CDC42BPA: variants seen among roughly 807,000 people sequenced by gnomAD.
CDC42BPA encodes the protein CDC42 binding protein kinase alpha, also known as serine/threonine-protein kinase MRCK alpha.
CDC42BPA carries 80 observed loss-of-function variants against 223.5 expected under a neutral mutation model. That is an observed-to-expected ratio of 0.36 (90% CI 0.30 to 0.43). The LOEUF (loss-of-function observed/expected upper bound fraction) is 0.43, where lower values mean the gene tolerates loss of function less well. CDC42BPA is among the 20% of genes least tolerant of loss of function. The pLI, the probability that CDC42BPA is intolerant of heterozygous loss-of-function variation, is 1.00. For missense variants in CDC42BPA, 1,743 were observed against 2,099.9 expected, an observed-to-expected ratio of 0.83 and a Z score of 3.32; for synonymous variants, 694 against 718.6, an observed-to-expected ratio of 0.97 and a Z score of 0.55.
chr1:227,002,778 CA>C (rs1270650642), intron 35 of CDC42BPA, among the ~76,000 whole-genome samples: 1 of 152,166 alleles, frequency 6.6e-6, no homozygotes, highest in Non-Finnish European at 1.5e-5. Context: ...GACGTGTCCA[CA>C]ACCACATGGG....
intron 1 of CDC42BPA, among the ~76,000 whole-genome samples, chr1:227,313,095 A>G (rs1693807519): frequency 2.0e-5 from 3 of 152,198 alleles, no homozygotes; most frequent in African/African-American, 7.2e-5. Flanking sequence ...CATAAAATAA[A>G]AAGAGTAATG....
At chr1:227,108,564 G>A (rs1686332793) in intron 14 of CDC42BPA, among the ~76,000 whole-genome samples, 1 of 152,126 alleles carries the variant, frequency 6.6e-6, no homozygotes, top group Non-Finnish European at 1.5e-5. Flanking sequence ...TTAAAAGAAT[G>A]TATATTTTGC....
chr1:227,279,612 G>A (rs1024061736), intron 1 of CDC42BPA, among the ~76,000 whole-genome samples: 12 of 151,948 alleles, frequency 7.9e-5, no homozygotes, highest in Non-Finnish European at 1.2e-4. Flanking sequence ...ATATTTAACT[G>A]AAGGCTTTAT....
chr1:227,258,481 T>C lies in CDC42BPA; in HGVS notation c.179-4326A>G, dbSNP rs569610009. Among the ~76,000 whole-genome samples, 18 of 151,022 alleles carry C rather than the reference T, an allele frequency of 1.2e-4. No individual in the cohort carries two copies. The East Asian group carries it at 3.5e-3, about 29-fold the overall frequency. ...AAGTGTCTATACAGGGGTATACAGTTATCTTGTCATATGATGATACCCTAA... is the reference window on the plus strand; with the variant it reads ...AAGTGTCTATACAGGGGTATACAGTCATCTTGTCATATGATGATACCCTAA... On this transcript the variant is annotated intron_variant, in intron 1 of 36. Coordinates refer to ENST00000366766, the MANE Select transcript of CDC42BPA (RefSeq NM_001394014.1).
chr1:227,185,405 G>C (rs1025417835), intron 5 of CDC42BPA, among the ~76,000 whole-genome samples: 1 of 152,120 alleles, frequency 6.6e-6, no homozygotes. Context: ...GCCCCCACAT[G>C]TGCCTGGCAG....
intron 16 of CDC42BPA, among the ~76,000 whole-genome samples, chr1:227,090,920 A>G (rs1236388135): frequency 6.6e-6 from 1 of 152,222 alleles, no homozygotes; most frequent in Non-Finnish European, 1.5e-5. Flanking sequence ...TGAGATACTA[A>G]GTGGGAAAAA....
At chr1:227,103,564 T>A (rs1685407604) in intron 14 of CDC42BPA, among the ~76,000 whole-genome samples, 1 of 152,038 alleles carries the variant, frequency 6.6e-6, no homozygotes, top group Admixed American at 6.6e-5. Flanking sequence ...AATAAACTGG[T>A]AAAAATGTCA....
intron 11 of CDC42BPA, among the ~76,000 whole-genome samples, chr1:227,122,543 C>T (rs984617694): frequency 6.6e-6 from 1 of 152,182 alleles, no homozygotes; most frequent in South Asian, 2.1e-4. Context: ...GGCTGCTTTG[C>T]AATGGAGTTG....
chr1:227,202,911 C>A (rs184350952), intron 3 of CDC42BPA, among the ~76,000 whole-genome samples: 2 of 152,086 alleles, frequency 1.3e-5, no homozygotes, highest in African/African-American at 4.8e-5. Context: ...ACCTGGGCCA[C>A]AGAGCAAGAC....
intron 2 of CDC42BPA, among the ~76,000 whole-genome samples, chr1:227,230,234 C>G (rs1033121128): frequency 1.1e-4 from 16 of 152,198 alleles, no homozygotes; most frequent in African/African-American, 3.9e-4. Flanking sequence ...GTTCTTATAC[C>G]TTCAAACAGA....
At chr1:227,053,301 T>C (rs1219771559) in intron 21 of CDC42BPA, among the ~76,000 whole-genome samples, 1 of 152,164 alleles carries the variant, frequency 6.6e-6, no homozygotes, top group South Asian at 2.1e-4. Context: ...CCTCCATTGG[T>C]GCCCACCTAC....
rs760904354 is a variant in CDC42BPA, at chr1:227,145,684, A to C, written c.948T>G (p.Asp316Glu). The C allele has an allele frequency of 6.2e-7, 1 of 1,613,684 alleles. No homozygotes were observed. The highest frequency in any genetic ancestry group is 8.5e-7 in the Non-Finnish European group (1 of 1,179,678). The change falls in exon 8 of 37, where the codon GAT becomes GAG. Residue 316 changes from aspartate to glutamate, a missense_variant. Physicochemically the swap from Asp to Glu is conservative, Grantham distance 45 (BLOSUM62 2). This residue lies in a region of CDC42BPA where 321 missense variants were observed against 488.7 expected (regional missense o/e 0.66). Coordinates refer to ENST00000366766, the MANE Select transcript of CDC42BPA (RefSeq NM_001394014.1). Reference sequence around the variant, plus strand: ...TGCTACAAATGAGCCTTCGAATAAGATCCTTAGCATTTTCAGACACATCAG... The same window carrying C: ...TGCTACAAATGAGCCTTCGAATAAGCTCCTTAGCATTTTCAGACACATCAG... ...QVTDVSENAK[D>E]LIRRLICSRE...
intron 2 of CDC42BPA, among the ~76,000 whole-genome samples, chr1:227,221,049 A>C (rs112570403): frequency 1.3e-5 from 2 of 152,058 alleles, no homozygotes; most frequent in African/African-American, 4.8e-5. Context: ...ATTTCAATCT[A>C]ATTTCTATTT....
intron 10 of CDC42BPA, among the ~76,000 whole-genome samples, chr1:227,137,874 A>G (rs888765934): frequency 6.6e-6 from 1 of 152,124 alleles, no homozygotes; most frequent in African/African-American, 2.4e-5. Context: ...CAAACTGGGA[A>G]GGGACATGTG....
intron 1 of CDC42BPA, among the ~76,000 whole-genome samples, chr1:227,276,136 C>T: frequency 6.6e-6 from 1 of 151,932 alleles, no homozygotes; most frequent in Non-Finnish European, 1.5e-5. Context: ...TTCCCGGCCG[C>T]CATCACGTCT....
At chr1:227,284,108 C>A (rs937525085) in intron 1 of CDC42BPA, among the ~76,000 whole-genome samples, 1 of 152,108 alleles carries the variant, frequency 6.6e-6, no homozygotes, top group Non-Finnish European at 1.5e-5. Flanking sequence ...TTTTAAATAA[C>A]TAATGAATAA....
At chr1:227,048,754 A>G (rs76450107) in intron 22 of CDC42BPA, among the ~76,000 whole-genome samples, 96 of 10,038 alleles carry the variant, frequency 9.6e-3, no homozygotes, top group Middle Eastern at 0.045. Context: ...AAGTAGTGAG[A>G]AAAAAAAAAA....
intron 1 of CDC42BPA, among the ~76,000 whole-genome samples, chr1:227,284,767 C>G (rs1260286404): frequency 6.6e-6 from 1 of 152,028 alleles, no homozygotes; most frequent in South Asian, 2.1e-4. Context: ...TCGAGACCAG[C>G]CTGGGCAACA....
At chr1:227,060,717 C>CTTT (rs59728048) in intron 21 of CDC42BPA, among the ~76,000 whole-genome samples, 991 of 95,440 alleles carry the variant, frequency 0.01, 43 homozygotes, top group African/African-American at 0.019. Flanking sequence ...TAAATAGGTA[C>CTTT]TTTTTTTTTT....
Sources: allele counts gnomAD v4.1 joint callset (sites outside exome capture counted in the v4.1 genomes callset), GRCh38; gene constraint gnomAD v4.1.1; regional missense constraint gnomAD v4.1.1; transcripts MANE v1.5; gene names NCBI Gene and HGNC (gene_info 2026-07-23, HGNC 2026-07-21).